RCL1: variants seen among roughly 807,000 people sequenced by gnomAD.
RCL1 encodes RNA terminal phosphate cyclase like 1.
In RCL1, 24 loss-of-function variants were observed where a neutral mutation model predicts 42.4. The observed-to-expected ratio is 0.57, with a 90% CI of 0.41 to 0.80. The LOEUF is 0.80. Among genes scored for constraint, RCL1 ranks in the 30% least tolerant of loss-of-function variants. The pLI, the probability that RCL1 is intolerant of heterozygous loss-of-function variation, is 0.00. For missense variants in RCL1, 578 were observed against 467.9 expected (o/e 1.24, Z -2.17); for synonymous variants, 228 against 177.3 (o/e 1.29, Z -2.27).
At chr9:4,833,287 C>G (rs994497606) in intron 4 of RCL1, 59 bp downstream of exon 4, 4 of 1,265,480 alleles carry the variant, frequency 3.2e-6, no homozygotes, top group Non-Finnish European at 4.6e-6. Flanking sequence ...CCCACTGACT[C>G]ATTGGAAGAG....
At chr9:4,855,226 T>C (rs527640338) in intron 8 of RCL1, among the ~76,000 whole-genome samples, 34 of 152,246 alleles carry the variant, frequency 2.2e-4, no homozygotes, top group Admixed American at 1.8e-3. Context: ...TCATTCTCTA[T>C]GTTAGGTGTT....
At chr9:4,839,133 G>A (rs1231637735) in intron 5 of RCL1, among the ~76,000 whole-genome samples, 1 of 152,192 alleles carries the variant, frequency 6.6e-6, no homozygotes, top group East Asian at 1.9e-4. Flanking sequence ...TTCCTTAGTA[G>A]GACATCCATG....
At chr9:4,821,619 G>A (rs948683057) in intron 1 of RCL1, among the ~76,000 whole-genome samples, 4 of 152,112 alleles carry the variant, frequency 2.6e-5, no homozygotes, top group Admixed American at 2.0e-4. Context: ...GAGGGAGAGC[G>A]AGAGTGACTG....
chr9:4,860,203 C>G lies in RCL1; in HGVS notation c.1050C>G (p.Leu350=), dbSNP rs1160821266. Residue 350 remains leucine, a synonymous_variant, in exon 9 of 9, where the codon CTC becomes CTG. Coordinates refer to ENST00000381750, the MANE Select transcript of RCL1 (RefSeq NM_005772.5). ...KIETKPCGEE[L]KGGDKVLMTC... ...AAACCAAGCCATGTGGTGAAGAACT[C>G]AAGGGTGGGGATAAAGTGCTGATGA... 6.2e-6 allele frequency: 10 copies of G among 1,612,728 alleles called. No individual in the cohort carries two copies. Among genetic ancestry groups the G allele is most frequent in the Non-Finnish European group, 8.5e-6 (10 of 1,179,582 alleles).
chr9:4,811,487 CT>C, intron 1 of RCL1, among the ~76,000 whole-genome samples: 1 of 152,172 alleles, frequency 6.6e-6, no homozygotes. Context: ...ATGGGATCAA[CT>C]TTTTTAGCTT....
chr9:4,860,163 T>C lies in RCL1; in HGVS notation c.1010T>C (p.Ile337Thr). Residue 337 changes from isoleucine (I) to threonine (T), a missense_variant, in exon 9 of 9, where the codon ATT (isoleucine) becomes ACT (threonine). Transcript: ENST00000381750. ...CGGCATTTGAAGAGCTTTTTCCAGA[T>C]TATGTTTAAAATTGAAACCAAGCCA... ...FLRHLKSFFQ[I>T]MFKIETKPCG... is the part of the protein sequence containing the mutation. The C allele has an allele frequency of 6.2e-6, 10 of 1,607,936 alleles. No homozygotes were observed. Among genetic ancestry groups the C allele is most frequent in the Non-Finnish European group, 8.5e-6 (10 of 1,177,520 alleles).
intron 1 of RCL1, chr9:4,804,323 G>C (rs1226057854): frequency 6.6e-6 from 1 of 152,518 alleles, no homozygotes; most frequent in Non-Finnish European, 1.5e-5. Context: ...GTGCCCAGGT[G>C]GGCCTCTATG....
rs529919690 is a variant in RCL1, at chr9:4,794,044, C to G, written c.136+817C>G. 4.6e-5 allele frequency among the ~76,000 whole-genome samples: 7 copies of G among 152,314 alleles called. 1 individual carries two copies. The South Asian group carries it at 1.4e-3, about 32-fold the overall frequency. ...CTGGCCCCCTGGCATGAGATACATG[C>G]ATTTAAAAGCTTCTGACTGGTGGTT... On this transcript the variant is annotated intron_variant, in intron 1 of 8. Coordinates refer to ENST00000381750, the MANE Select transcript of RCL1 (RefSeq NM_005772.5).
intron 2 of RCL1, among the ~76,000 whole-genome samples, chr9:4,825,620 T>G (rs193277517): frequency 5.3e-5 from 8 of 152,352 alleles, no homozygotes; most frequent in Non-Finnish European, 1.0e-4. Flanking sequence ...GTTAAATATA[T>G]TTTTGGTAAA....
At position 4,849,092 on chromosome 9, in the gene RCL1, G is replaced by A. The variant is rs1817621207; in HGVS notation, c.868-355G>A. Among the ~76,000 whole-genome samples, 3 of 127,006 alleles carry A rather than the reference G, an allele frequency of 2.4e-5. No individual in the cohort carries two copies. The South Asian group carries it at 1.0e-3, about 42-fold the overall frequency. The allele number at this position is 127,006 out of a possible 152,430, so 83.3% of individuals were successfully genotyped here. On this transcript the variant is annotated intron_variant, in intron 7 of 8. Transcript: ENST00000381750. ...CTCTACATCTTCTAGAACTGATTAAGATTTTTTTTTTTTTGCATATACTCA... is the reference window on the plus strand; with the variant it reads ...CTCTACATCTTCTAGAACTGATTAAAATTTTTTTTTTTTTGCATATACTCA...
Position 4,860,321 on chromosome 9 carries a change from GCTGC to G in RCL1, c.*48_*51del. 6.3e-7 allele frequency: 1 copy of G among 1,591,656 alleles called. No homozygotes were observed. The highest frequency in any genetic ancestry group is 8.5e-7 in the Non-Finnish European group (1 of 1,170,986). On this transcript the variant is annotated 3_prime_UTR_variant, in exon 9 of 9. Transcript: ENST00000381750. ...CCCAATGCCTACAGACAAAGCAGAA[GCTGC>G]CACGGACACCAATGGGACCAAGTCC...
intron 1 of RCL1, among the ~76,000 whole-genome samples, chr9:4,822,007 G>A (rs1049400946): frequency 7.2e-5 from 11 of 152,222 alleles, no homozygotes; most frequent in African/African-American, 2.4e-4. Flanking sequence ...AGGGATATGA[G>A]TATTAAATGA....
intron 1 of RCL1, among the ~76,000 whole-genome samples, chr9:4,813,168 C>T (rs1460427087): frequency 6.6e-6 from 1 of 152,096 alleles, no homozygotes; most frequent in East Asian, 1.9e-4. Flanking sequence ...AGAGGAAAAG[C>T]TTTAAAATTT....
chr9:4,853,397 C>T (rs1025531051), intron 8 of RCL1, among the ~76,000 whole-genome samples: 5 of 151,630 alleles, frequency 3.3e-5, no homozygotes, highest in African/African-American at 9.7e-5. Flanking sequence ...TCTCAGCTCA[C>T]TGCAAGCTCT....
intron 8 of RCL1, among the ~76,000 whole-genome samples, chr9:4,859,763 A>T (rs1354942037): frequency 6.6e-6 from 1 of 152,178 alleles, no homozygotes; most frequent in Non-Finnish European, 1.5e-5. Context: ...CAGGAGCTTG[A>T]GGCCAGTTTG....
chr9:4,841,096 T>C (rs1817302004), intron 5 of RCL1, 136 bp from the exon 6 acceptor site: 1 of 912,162 alleles, frequency 1.1e-6, no homozygotes, highest in Admixed American at 2.5e-5. Flanking sequence ...ACTAATTCAG[T>C]AAATTCAGTT....
At chr9:4,850,331 G>A (rs533430622) in intron 8 of RCL1, 41 of 534,374 alleles carry the variant, frequency 7.7e-5, no homozygotes, top group Non-Finnish European at 1.4e-4. Context: ...TACCGATGCT[G>A]TATATCTGAA....
chr9:4,793,375 C>T lies in RCL1; in HGVS notation c.136+148C>T, dbSNP rs981139026. ...GCAGGTGGCGCGTCGCCTCCAAAGC[C>T]GGAGGGGCAGGCACAGTGGGGGAGG... On this transcript the variant is annotated intron_variant, in intron 1 of 8. Transcript: ENST00000381750. The T allele has an allele frequency of 1.6e-5, 10 of 641,510 alleles. No individual in the cohort carries two copies. The East Asian group carries it at 5.7e-4, about 36-fold the overall frequency. The allele number at this position is 641,510 out of a possible 1,614,324, so 39.7% of individuals were successfully genotyped here.
intron 3 of RCL1, among the ~76,000 whole-genome samples, chr9:4,828,677 G>A (rs902458279): frequency 2.0e-5 from 3 of 152,012 alleles, no homozygotes; most frequent in Non-Finnish European, 4.4e-5. Flanking sequence ...AGGCCCTGAA[G>A]TGTACAGCAG....
Sources: allele counts gnomAD v4.1 joint callset (sites outside exome capture counted in the v4.1 genomes callset), GRCh38; gene constraint gnomAD v4.1.1; transcripts MANE v1.5; gene names NCBI Gene and HGNC (gene_info 2026-07-23, HGNC 2026-07-21).